Variants in POLR3GL observed in about 807,000 individuals in gnomAD.
POLR3GL encodes the protein RNA polymerase III subunit GL.
In POLR3GL, 26 loss-of-function variants were observed where a neutral mutation model predicts 32.4. That is an observed-to-expected ratio of 0.80 (90% CI 0.59 to 1.11). The LOEUF is 1.11. Among genes scored for constraint, POLR3GL ranks in the 50% most tolerant of loss-of-function variants. The pLI is 0.00. For synonymous variants in POLR3GL, 95 were observed against 98.7 expected (o/e 0.96, Z 0.22); for missense variants, 229 against 280.1 (o/e 0.82, Z 1.30).
chr1:145,965,361 AAAGAC>A (rs1649971558), intron 1 of POLR3GL, among the ~76,000 whole-genome samples: 1 of 152,242 alleles, frequency 6.6e-6, no homozygotes, highest in Non-Finnish European at 1.5e-5. Flanking sequence ...GGGAACAATA[AAAGAC>A]AATACAGTAT....
intron 4 of POLR3GL, 143 bp from the exon 5 acceptor site, chr1:145,977,340 G>T: frequency 1.1e-6 from 1 of 873,058 alleles, no homozygotes; most frequent in Non-Finnish European, 1.9e-6. Context: ...CACTACTCAG[G>T]AGATATCCAA....
At chr1:145,977,385 C>A in intron 4 of POLR3GL, 98 bp from the exon 5 acceptor site, 1 of 1,242,534 alleles carries the variant, frequency 8.0e-7, no homozygotes, top group South Asian at 1.2e-5. Context: ...CCCTTCCTTC[C>A]TCTCCTTTAA....
In POLR3GL at chr1:145,975,103, A is replaced by C. The variant is rs116152536; in HGVS notation, c.126+112A>C. On this transcript the variant is annotated intron_variant, in intron 2 of 7. Transcript: ENST00000369314. ...CCATCCTCGCTTTGGCCCTCTCTCT[A>C]TACTCCCAATGCACAGGGATGTTTT... The C allele has an allele frequency of 2.0e-3, 2,678 of 1,365,386 alleles. 43 individuals are homozygous for C. The African/African-American group carries it at 0.034, about 17-fold the overall frequency. 84.6% of individuals were successfully genotyped at this position (1,365,386 alleles called of 1,614,324 possible). A position where few individuals can be genotyped will look rare whatever the true frequency, so the allele number is the denominator to read the frequency against.
chr1:145,972,358 C>G (rs191985840), intron 1 of POLR3GL, among the ~76,000 whole-genome samples: 7 of 136,000 alleles, frequency 5.1e-5, no homozygotes, highest in Admixed American at 4.6e-4. Context: ...CCAGCCTGGG[C>G]AATAAGAGCG....
chr1:145,978,351 T>TTTTTTC lies in POLR3GL; in HGVS notation c.571-10_571-9insTTTTTC. 1 of 1,599,464 alleles carries TTTTTTC rather than the reference T, an allele frequency of 6.3e-7. No individual in the cohort carries two copies. The highest frequency in any genetic ancestry group is 8.5e-7 in the Non-Finnish European group (1 of 1,169,986). On this transcript the variant is annotated splice_polypyrimidine_tract_variant and intron_variant, in intron 7 of 7. Transcript: ENST00000369314. ...CAAATTGACTTTTACTTTTTTTTTT[T>TTTTTTC]CCATTTCAGGAAACTGATTACATCA... is the stretch of plus-strand genomic sequence containing the variant.
chr1:145,972,530 TCA>T (rs1309087657), intron 1 of POLR3GL, among the ~76,000 whole-genome samples: 2 of 152,182 alleles, frequency 1.3e-5, no homozygotes, highest in African/African-American at 4.8e-5. Flanking sequence ...CACTATGGAC[TCA>T]CAGATATTTA....
intron 1 of POLR3GL, among the ~76,000 whole-genome samples, chr1:145,966,141 A>T (rs77958539): frequency 6.7e-6 from 1 of 148,260 alleles, no homozygotes; most frequent in Non-Finnish European, 1.5e-5. Flanking sequence ...AAAAAAAAAA[A>T]GGAAATCTGT....
intron 3 of POLR3GL, among the ~76,000 whole-genome samples, chr1:145,976,202 G>A (rs1220099346): frequency 7.9e-5 from 12 of 151,962 alleles, no homozygotes; most frequent in Non-Finnish European, 1.6e-4. Flanking sequence ...CATGAGAATC[G>A]CTTGAACCTG....
Position 145,977,078 on chromosome 1 carries a change from C to T in POLR3GL, c.257-6C>T. ...GGGATAAAACTTTGACCCTTCCACC[C>T]CTCAGATGTGGAGCGTTATTCAGAC... On this transcript the variant is annotated splice_polypyrimidine_tract_variant and splice_region_variant and intron_variant, in intron 3 of 7. Transcript: ENST00000369314. 2 of 1,612,846 alleles carry T rather than the reference C, an allele frequency of 1.2e-6. No individual in the cohort carries two copies. Among genetic ancestry groups the T allele is most frequent in the Non-Finnish European group, 1.7e-6 (2 of 1,178,924 alleles).
chr1:145,969,260 G>A (rs1650171538), intron 1 of POLR3GL, among the ~76,000 whole-genome samples: 1 of 149,818 alleles, frequency 6.7e-6, no homozygotes, highest in Non-Finnish European at 1.5e-5. Context: ...CACCACAACT[G>A]GCCCATTAAA....
intron 1 of POLR3GL, among the ~76,000 whole-genome samples, chr1:145,970,875 CAAAAAAAAAAAAAA>C (rs35524546): frequency 2.4e-3 from 32 of 13,202 alleles, no homozygotes; most frequent in South Asian, 6.3e-3. Flanking sequence ...AACTCCATCT[CAAAAAAAAAAAAAA>C]AAAAAAAAAA....
chr1:145,971,930 A>T (rs1480447230), intron 1 of POLR3GL, among the ~76,000 whole-genome samples: 1 of 126,316 alleles, frequency 7.9e-6, no homozygotes, highest in Non-Finnish European at 1.6e-5. Flanking sequence ...GCGCCACTGC[A>T]CTCCAGCCTG....
intron 1 of POLR3GL, among the ~76,000 whole-genome samples, chr1:145,973,869 A>G (rs587675402): frequency 6.0e-5 from 9 of 149,684 alleles, no homozygotes; most frequent in South Asian, 2.1e-4. Flanking sequence ...AAAAAGATCA[A>G]TTTGGCCTCT....
At chr1:145,972,448 T>A (rs587731569) in intron 1 of POLR3GL, among the ~76,000 whole-genome samples, 54 of 152,178 alleles carry the variant, frequency 3.5e-4, no homozygotes, top group Non-Finnish European at 5.9e-5. Context: ...GTCTACATAT[T>A]TTATTTGGAA....
rs374345321 is a variant in POLR3GL, at chr1:145,977,501, G to A, written c.344G>A (p.Arg115Gln). The change falls in exon 5 of 8, where the codon CGG becomes CAG. Residue 115 changes from arginine to glutamine, a missense_variant. Coordinates refer to ENST00000369314, the MANE Select transcript of POLR3GL (RefSeq NM_032305.3). ...DWNPDWRRLPRELKIRVRKLQ... is the reference protein window; with the variant it reads ...DWNPDWRRLPQELKIRVRKLQ... Reference sequence around the variant, plus strand: ...TTCCCAGATTGGCGGCGTCTACCCCGGGAGCTAAAGATCCGAGTGCGGAAG... The same window carrying A: ...TTCCCAGATTGGCGGCGTCTACCCCAGGAGCTAAAGATCCGAGTGCGGAAG... 45 of 1,613,952 alleles carry A rather than the reference G, an allele frequency of 2.8e-5. No individual in the cohort carries two copies. The highest frequency in any genetic ancestry group is 3.3e-4 in the Middle Eastern group (2 of 6,084).
At chr1:145,973,185 C>T (rs1553762935) in intron 1 of POLR3GL, among the ~76,000 whole-genome samples, 1 of 152,060 alleles carries the variant, frequency 6.6e-6, no homozygotes, top group Non-Finnish European at 1.5e-5. Flanking sequence ...TAGGTGTGCT[C>T]ATTGCTACTG....
At chr1:145,971,793 C>T (rs972312869) in intron 1 of POLR3GL, among the ~76,000 whole-genome samples, 24 of 150,784 alleles carry the variant, frequency 1.6e-4, no homozygotes, top group Admixed American at 1.5e-3. Context: ...GGTGAAACCC[C>T]GTCTCTACTA....
intron 1 of POLR3GL, among the ~76,000 whole-genome samples, chr1:145,973,833 A>T (rs1650432791): frequency 6.6e-6 from 1 of 151,752 alleles, no homozygotes; most frequent in Admixed American, 6.6e-5. Flanking sequence ...CCCAATTCTA[A>T]GATTCTATGC....
chr1:145,966,116 C>CAAAAAAA (rs58691867), intron 1 of POLR3GL, among the ~76,000 whole-genome samples: 1 of 37,168 alleles, frequency 2.7e-5, no homozygotes, highest in African/African-American at 1.1e-4. Flanking sequence ...AACTCCCTCT[C>CAAAAAAA]AAAAAAAAAA....
Sources: gnomAD v4.1 joint callset for allele counts (sites outside exome capture counted in the v4.1 genomes callset) on GRCh38, gnomAD v4.1.1 for gene constraint, MANE v1.5 for transcripts, NCBI Gene and HGNC (gene_info 2026-07-23, HGNC 2026-07-21) for gene names.